The following ANXA3 variants were observed in gnomAD, a reference collection of about 807,000 sequenced individuals.
ANXA3 encodes annexin A3, also known as 35-alpha calcimedin.
In ANXA3, 46 loss-of-function variants were observed where a neutral mutation model predicts 48.8. The observed-to-expected ratio is 0.94, with a 90% CI of 0.74 to 1.21. ANXA3 has a LOEUF of 1.21. Among genes scored for constraint, ANXA3 ranks in the 50% most tolerant of loss-of-function variants. The probability of loss-of-function intolerance (pLI) is 0.00; values close to 1 mark genes in which losing one functional copy is unlikely to be tolerated. For missense variants in ANXA3, 383 were observed against 378.6 expected (o/e 1.01, Z -0.10); for synonymous variants, 128 against 134.7 (o/e 0.95, Z 0.35).
At chr4:78,573,994 T>C (rs1415144148) in intron 3 of ANXA3, among the ~76,000 whole-genome samples, 1 of 152,212 alleles carries the variant, frequency 6.6e-6, no homozygotes, top group Non-Finnish European at 1.5e-5. Flanking sequence ...AACAGTTTCC[T>C]TTTGCTAGTC....
chr4:78,595,474 T>C, intron 8 of ANXA3, 37 bp downstream of exon 8: 1 of 1,603,772 alleles, frequency 6.2e-7, no homozygotes, highest in Non-Finnish European at 8.5e-7. Context: ...CCTTTACCTA[T>C]TCTCCTATGT....
chr4:78,567,105 T>C (rs1464584873), intron 2 of ANXA3, among the ~76,000 whole-genome samples: 2 of 152,212 alleles, frequency 1.3e-5, no homozygotes, highest in African/African-American at 4.8e-5. Context: ...TGCCAGCCAG[T>C]GGCACTTCTA....
rs1227809767 is a variant in ANXA3 at position 78,597,407 on chromosome 4, G to A, written c.723G>A (p.Leu241=). ...ELSGHFEDLL[L]AIVNCVRNTP... ...CTGGGCATTTTGAAGACTTACTGTT[G>A]GCCATAGGTAAGACTTCGAGTGCTG... The change falls in exon 10 of 13, where the codon TTG becomes TTA. Residue 241 remains leucine (L), a synonymous_variant. Coordinates refer to ENST00000264908, the MANE Select transcript of ANXA3 (RefSeq NM_005139.3). The A allele has an allele frequency of 3.1e-6, 5 of 1,603,728 alleles. No homozygotes were observed. Among genetic ancestry groups the A allele is most frequent in the Non-Finnish European group, 4.3e-6 (5 of 1,172,602 alleles).
intron 4 of ANXA3, among the ~76,000 whole-genome samples, chr4:78,581,594 A>G (rs1473380694): frequency 6.6e-6 from 1 of 152,276 alleles, no homozygotes; most frequent in African/African-American, 2.4e-5. Context: ...ATCACTATGT[A>G]CCTTATGAAT....
At chr4:78,583,985 C>A (rs928052408) in intron 5 of ANXA3, among the ~76,000 whole-genome samples, 41 of 152,196 alleles carry the variant, frequency 2.7e-4, no homozygotes, top group Admixed American at 2.6e-3. Context: ...CGTCATACCC[C>A]CTCCTGCTCA....
chr4:78,564,279 T>C (rs1722684581), intron 2 of ANXA3, among the ~76,000 whole-genome samples: 1 of 152,168 alleles, frequency 6.6e-6, no homozygotes, highest in Admixed American at 6.5e-5. Flanking sequence ...ATGTCTCCAG[T>C]GTACTAGAAA....
rs193294947 is a variant in ANXA3, at chr4:78,554,990, A to C, written c.15+502A>C. On this transcript the variant is annotated intron_variant, in intron 2 of 12. Transcript: ENST00000264908. ...GGAGGCCGAGGTGGGTGGATCACCT[A>C]AAGCCAGGAGTTTGAGACCAGCCTG... 8.6e-4 allele frequency among the ~76,000 whole-genome samples: 131 copies of C among 152,252 alleles called. 1 individual carries two copies. The highest frequency in any genetic ancestry group is 3.4e-3 in the Middle Eastern group (1 of 294).
intron 5 of ANXA3, 42 bp downstream of exon 5, chr4:78,582,332 A>G: frequency 7.2e-7 from 1 of 1,388,016 alleles, no homozygotes; most frequent in Non-Finnish European, 1.0e-6. Context: ...GGGTTTGACC[A>G]AGTCATCAAA....
intron 2 of ANXA3, among the ~76,000 whole-genome samples, chr4:78,567,313 G>A (rs1391846224): frequency 6.6e-6 from 1 of 152,170 alleles, no homozygotes; most frequent in Admixed American, 6.5e-5. Context: ...ATCAAGGTGT[G>A]GTCAGGGCCG....
At chr4:78,563,862 A>C (rs772049866) in intron 2 of ANXA3, among the ~76,000 whole-genome samples, 1 of 152,152 alleles carries the variant, frequency 6.6e-6, no homozygotes, top group Non-Finnish European at 1.5e-5. Context: ...GGACCCTTAG[A>C]CAGGGACGTC....
In ANXA3 at chr4:78,610,143, C is replaced by T. The variant is rs752453464; in HGVS notation, c.*28C>T. The stretch of plus-strand genomic sequence containing the variant: ...CAAGAAGATAATCTCCAAAGGTCCA[C>T]GATGGGCTTTCCCAACAGCTCCACC... On this transcript the variant is annotated 3_prime_UTR_variant, in exon 13 of 13. Transcript: ENST00000264908. The T allele has an allele frequency of 1.3e-5, 20 of 1,571,372 alleles. No individual in the cohort carries two copies. The highest frequency in any genetic ancestry group is 2.3e-5 in the East Asian group (1 of 44,384).
chr4:78,567,369 G>C (rs930825458), intron 2 of ANXA3, among the ~76,000 whole-genome samples: 3 of 152,166 alleles, frequency 2.0e-5, no homozygotes, highest in African/African-American at 7.2e-5. Flanking sequence ...GCCTCTTCCT[G>C]GTTTCTAGTG....
rs770111594 is a variant in ANXA3 at position 78,586,325 on chromosome 4, G to C, written c.378G>C (p.Lys126Asn). The C allele has an allele frequency of 6.2e-7, 1 of 1,613,274 alleles. No individual in the cohort carries two copies. The highest frequency in any genetic ancestry group is 8.5e-7 in the Non-Finnish European group (1 of 1,179,604). Reference protein sequence around the residue: ...ILTTRTSRQMKDISQAYYTVY... With the variant: ...ILTTRTSRQMNDISQAYYTVY... Reference sequence around the variant, plus strand: ...CTACCAGGACAAGCAGGCAAATGAAGGATATCTCTCAAGCCTATTATACAG... The same window carrying C: ...CTACCAGGACAAGCAGGCAAATGAACGATATCTCTCAAGCCTATTATACAG... Residue 126 changes from lysine (K) to asparagine (N), a missense_variant, in exon 6 of 13, where the codon AAG (lysine) becomes AAC (asparagine). Coordinates refer to ENST00000264908, the MANE Select transcript of ANXA3 (RefSeq NM_005139.3).
chr4:78,599,763 A>G (rs1723498437), intron 10 of ANXA3, among the ~76,000 whole-genome samples: 1 of 152,028 alleles, frequency 6.6e-6, no homozygotes, highest in Non-Finnish European at 1.5e-5. Context: ...AGATTCTACA[A>G]AAAAATAAAA....
chr4:78,577,163 G>A lies in ANXA3; in HGVS notation c.104-1864G>A, dbSNP rs113013243. Among the ~76,000 whole-genome samples the A allele has an allele frequency of 4.6e-5, 7 of 152,208 alleles. 1 individual carries two copies. The highest frequency in any genetic ancestry group is 1.7e-4 in the African/African-American group (7 of 41,514). ...AGTAGTTTACAGGAATAATTATATG[G>A]GAGTCACATTAGGAGGTGATTTAGG... On this transcript the variant is annotated intron_variant, in intron 3 of 12. Coordinates refer to ENST00000264908, the MANE Select transcript of ANXA3 (RefSeq NM_005139.3).
At chr4:78,598,154 G>A (rs1190565534) in intron 10 of ANXA3, among the ~76,000 whole-genome samples, 1 of 151,206 alleles carries the variant, frequency 6.6e-6, no homozygotes, top group Non-Finnish European at 1.5e-5. Flanking sequence ...AACATAGCAA[G>A]ATCTTGTCTC....
intron 2 of ANXA3, among the ~76,000 whole-genome samples, chr4:78,572,067 G>A (rs1722850373): frequency 6.6e-6 from 1 of 152,214 alleles, no homozygotes; most frequent in Non-Finnish European, 1.5e-5. Context: ...AGTTACTTCT[G>A]TGCGAGATGC....
At chr4:78,567,925 G>T (rs1413733431) in intron 2 of ANXA3, among the ~76,000 whole-genome samples, 5 of 152,148 alleles carry the variant, frequency 3.3e-5, no homozygotes, top group East Asian at 3.8e-4. Flanking sequence ...GCACATTCTG[G>T]TCTCATACTG....
chr4:78,581,042 G>A (rs1723060571), intron 4 of ANXA3, among the ~76,000 whole-genome samples: 1 of 152,220 alleles, frequency 6.6e-6, no homozygotes, highest in African/African-American at 2.4e-5. Context: ...AGCTGCAGTG[G>A]CTTGGATTGA....
Sources: allele counts gnomAD v4.1 joint callset (sites outside exome capture counted in the v4.1 genomes callset), GRCh38; gene constraint gnomAD v4.1.1; transcripts MANE v1.5; gene names NCBI Gene and HGNC (gene_info 2026-07-23, HGNC 2026-07-21).